The following THUMPD2 variants were observed in gnomAD, a reference collection of about 807,000 sequenced individuals.
THUMPD2 encodes the protein U6 snRNA (guanine-N(2))-methyltransferase THUMPD2.
Under a neutral mutation model 49.4 loss-of-function variants are expected in THUMPD2, and 56 were observed. The ratio of observed to expected loss-of-function variants is 1.13; its 90% CI spans 0.91 to 1.41. THUMPD2 has a LOEUF of 1.41. THUMPD2 is among the 40% of genes most tolerant of loss of function. THUMPD2 has a pLI of 0.00. For synonymous variants in THUMPD2, 237 were observed against 205.2 expected, an observed-to-expected ratio of 1.15 and a Z score of -1.32; for missense variants, 709 against 594.5, an observed-to-expected ratio of 1.19 and a Z score of -2.00.
chr2:39,776,190 G>A (rs1418003425), intron 1 of THUMPD2, among the ~76,000 whole-genome samples: 1 of 152,098 alleles, frequency 6.6e-6, no homozygotes, highest in Non-Finnish European at 1.5e-5. Flanking sequence ...AGTAGTCTAA[G>A]TGATATGTGT....
At chr2:39,764,068 C>A (rs1051329291) in intron 5 of THUMPD2, among the ~76,000 whole-genome samples, 1 of 152,204 alleles carries the variant, frequency 6.6e-6, no homozygotes, top group African/African-American at 2.4e-5. Flanking sequence ...ATGCGGCATA[C>A]ACTTTCTTAT....
At chr2:39,744,541 G>A in intron 8 of THUMPD2, 63 bp from the exon 9 acceptor site, 1 of 1,070,094 alleles carries the variant, frequency 9.3e-7, no homozygotes, top group Non-Finnish European at 1.3e-6. Context: ...CTTAAATAAT[G>A]AGAAAATTGA....
chr2:39,766,149 C>A, intron 4 of THUMPD2, 40 bp from the exon 5 acceptor site: 1 of 1,405,342 alleles, frequency 7.1e-7, no homozygotes. Flanking sequence ...GAACAAGAAA[C>A]TTCATTACCA....
chr2:39,761,342 C>A lies in THUMPD2; in HGVS notation c.880G>T (p.Ala294Ser). The change falls in exon 6 of 10, where the codon GCT becomes TCT. Residue 294 changes from alanine (A) to serine (S), a missense_variant. Transcript: ENST00000505747. ...STIAWAMASL[A>S]DIKAGAFVLD... ...AACATTTTTCTTACCTTAATGTCAGCCAGAGATGCCATTGCCCACGCTATT... is the reference window on the plus strand; with the variant it reads ...AACATTTTTCTTACCTTAATGTCAGACAGAGATGCCATTGCCCACGCTATT... The A allele has an allele frequency of 1.9e-6, 3 of 1,613,662 alleles. No individual in the cohort carries two copies. Among genetic ancestry groups the A allele is most frequent in the Non-Finnish European group, 2.5e-6 (3 of 1,179,676 alleles).
chr2:39,778,273 A>G (rs1311663045), intron 1 of THUMPD2, among the ~76,000 whole-genome samples: 1 of 152,248 alleles, frequency 6.6e-6, no homozygotes, highest in Non-Finnish European at 1.5e-5. Flanking sequence ...GCTACATTCA[A>G]TACTCTATTA....
At chr2:39,757,264 G>T in intron 6 of THUMPD2, 1 of 636,104 alleles carries the variant, frequency 1.6e-6, no homozygotes, top group Non-Finnish European at 2.6e-6. Flanking sequence ...GTCAGGCCCA[G>T]TCGTGCTCGA....
chr2:39,770,066 A>T lies in THUMPD2; in HGVS notation c.316T>A (p.Leu106Met). The change falls in exon 3 of 10, where the codon TTG becomes ATG. Residue 106 changes from leucine (L) to methionine (M), a missense_variant. Coordinates refer to ENST00000505747, the MANE Select transcript of THUMPD2 (RefSeq NM_025264.5). ...TTTTTCCAAATTGAAATGGCATTCA[A>T]CCAACTTCCTGGATCTTCATTTATA... ...RLINEDPGSW[L>M]NAISIWKNLL... 1 of 1,556,588 alleles carries T rather than the reference A, an allele frequency of 6.4e-7. No individual in the cohort carries two copies. The highest frequency in any genetic ancestry group is 8.6e-7 in the Non-Finnish European group (1 of 1,163,256).
At position 39,736,608 on chromosome 2, in the gene THUMPD2, C is replaced by G; in HGVS notation, c.*127G>C. ...CAAGCATGTGTACCCATCAGCCACA[C>G]CTCCTGTCTTTGGGGGAATTTGGTT... On this transcript the variant is annotated 3_prime_UTR_variant, in exon 10 of 10. Coordinates refer to ENST00000505747, the MANE Select transcript of THUMPD2 (RefSeq NM_025264.5). The G allele has an allele frequency of 5.3e-6, 4 of 760,706 alleles. No individual in the cohort carries two copies. The Admixed American group carries it at 1.2e-4, about 22-fold the overall frequency. The allele number at this position is 760,706 out of a possible 1,614,324, so 47.1% of individuals were successfully genotyped here. A position where few individuals can be genotyped will look rare whatever the true frequency, so the allele number is the denominator to read the frequency against.
At chr2:39,776,722 A>G (rs1421280421) in intron 1 of THUMPD2, among the ~76,000 whole-genome samples, 1 of 152,166 alleles carries the variant, frequency 6.6e-6, no homozygotes, top group African/African-American at 2.4e-5. Flanking sequence ...TTACTTTTGT[A>G]TATTTTTGAA....
intron 5 of THUMPD2, among the ~76,000 whole-genome samples, chr2:39,763,056 C>T (rs1278105542): frequency 1.3e-5 from 2 of 151,886 alleles, no homozygotes; most frequent in African/African-American, 4.8e-5. Context: ...GAAGAAGGCA[C>T]GTTCAGAAAT....
intron 8 of THUMPD2, among the ~76,000 whole-genome samples, chr2:39,750,477 C>T (rs548675804): frequency 1.3e-5 from 2 of 152,038 alleles, no homozygotes; most frequent in East Asian, 1.9e-4. Flanking sequence ...TAGGCCAAGG[C>T]GGGTGGATTG....
rs561360708 is a variant in THUMPD2 at position 39,752,349 on chromosome 2, A to C, written c.1078+2946T>G. 1.1e-4 allele frequency among the ~76,000 whole-genome samples: 16 copies of C among 152,340 alleles called. 1 individual carries two copies. In the East Asian group the frequency reaches 2.7e-3, roughly 26 times the overall value. Reference sequence around the variant, plus strand: ...ACAGTGAAAAAACGATGGTGGAGCTAGGATTTATACTTGGTGTGACTCTTA... The same window carrying C: ...ACAGTGAAAAAACGATGGTGGAGCTCGGATTTATACTTGGTGTGACTCTTA... On this transcript the variant is annotated intron_variant, in intron 8 of 9. Coordinates refer to ENST00000505747, the MANE Select transcript of THUMPD2 (RefSeq NM_025264.5).
chr2:39,769,625 C>T, intron 3 of THUMPD2, 85 bp downstream of exon 3: 12 of 1,355,056 alleles, frequency 8.9e-6, no homozygotes, highest in Non-Finnish European at 1.2e-5. Context: ...TCACCTGAAC[C>T]TGGGAGGTGG....
rs576623895 is a variant in THUMPD2 at position 39,755,776 on chromosome 2, A to G, written c.963+113T>C. 1.1e-5 allele frequency: 9 copies of G among 826,760 alleles called. No homozygotes were observed. In the South Asian group the frequency reaches 1.4e-4, roughly 13 times the overall value. 51.2% of individuals were successfully genotyped at this position (826,760 alleles called of 1,614,324 possible). A position where few individuals can be genotyped will look rare whatever the true frequency, so the allele number is the denominator to read the frequency against. On this transcript the variant is annotated intron_variant, in intron 7 of 9. Coordinates refer to ENST00000505747, the MANE Select transcript of THUMPD2 (RefSeq NM_025264.5). ...CTATTTTGAGTAAATAATAACTCAT[A>G]TAATTAAAAATAATCCCCAAATAGA...
rs143874122 is a variant in THUMPD2, at chr2:39,745,493, T to C, written c.1079-1015A>G. On this transcript the variant is annotated intron_variant, in intron 8 of 9. Coordinates refer to ENST00000505747, the MANE Select transcript of THUMPD2 (RefSeq NM_025264.5). ...ACCTCATGGTTTTAGGGTGTTGATA[T>C]AGTACACATCCATTTACAAAATGAC... is the stretch of plus-strand genomic sequence containing the variant. Among the ~76,000 whole-genome samples, 198 of 152,322 alleles carry C rather than the reference T, an allele frequency of 1.3e-3. 1 individual carries two copies. Among genetic ancestry groups the C allele is most frequent in the African/African-American group, 4.5e-3 (188 of 41,564 alleles).
intron 9 of THUMPD2, among the ~76,000 whole-genome samples, chr2:39,740,270 T>C (rs1673721164): frequency 6.6e-6 from 1 of 152,242 alleles, no homozygotes; most frequent in Non-Finnish European, 1.5e-5. Flanking sequence ...CCATAAGCAC[T>C]GGTTGCATAA....
In THUMPD2 at chr2:39,769,045, T is replaced by G. The variant is rs1033408584; in HGVS notation, c.673-544A>C. 11 of 1,304,672 alleles carry G rather than the reference T, an allele frequency of 8.4e-6. No homozygotes were observed. In the Admixed American group the frequency reaches 2.5e-4, roughly 30 times the overall value. The allele number at this position is 1,304,672 out of a possible 1,614,324, so 80.8% of individuals were successfully genotyped here. On this transcript the variant is annotated intron_variant, in intron 3 of 9. Coordinates refer to ENST00000505747, the MANE Select transcript of THUMPD2 (RefSeq NM_025264.5). Reference sequence around the variant, plus strand: ...CGCTCTTCTCTACATTGCTGAGACCTCATGTGCATTTGCAGTCTAGGTCCT... The same window carrying G: ...CGCTCTTCTCTACATTGCTGAGACCGCATGTGCATTTGCAGTCTAGGTCCT...
chr2:39,770,125 T>C lies in THUMPD2; in HGVS notation c.263-6A>G. ...CATTTCATTAAATATTTTTCCTAAA[T>C]AAGAAAAATCTTGTTGATCCTCTAT... On this transcript the variant is annotated splice_polypyrimidine_tract_variant and splice_region_variant and intron_variant, in intron 2 of 9. Transcript: ENST00000505747. 1 of 1,463,608 alleles carries C rather than the reference T, an allele frequency of 6.8e-7. No homozygotes were observed. Among genetic ancestry groups the C allele is most frequent in the Non-Finnish European group, 9.0e-7 (1 of 1,114,666 alleles). 90.7% of individuals were successfully genotyped at this position (1,463,608 alleles called of 1,614,324 possible). A position where few individuals can be genotyped will look rare whatever the true frequency, so the allele number is the denominator to read the frequency against.
At chr2:39,766,281 G>A in intron 4 of THUMPD2, 172 bp from the exon 5 acceptor site, 1 of 453,566 alleles carries the variant, frequency 2.2e-6, no homozygotes, top group South Asian at 5.2e-5. Flanking sequence ...TTCTTAAGCA[G>A]AAGGAAACTA....
Sources: allele counts gnomAD v4.1 joint callset (sites outside exome capture counted in the v4.1 genomes callset), GRCh38; gene constraint gnomAD v4.1.1; transcripts MANE v1.5; gene names NCBI Gene and HGNC (gene_info 2026-07-23, HGNC 2026-07-21).